SH2D5: variants seen among roughly 807,000 people sequenced by gnomAD.
SH2D5 encodes SH2 domain-containing protein 5.
SH2D5 carries 45 observed loss-of-function variants against 48.2 expected under a neutral mutation model. That is an observed-to-expected ratio of 0.93 (90% CI 0.73 to 1.20). The LOEUF (loss-of-function observed/expected upper bound fraction) is 1.20, where lower values mean the gene tolerates loss of function less well. Among genes scored for constraint, SH2D5 ranks in the 50% most tolerant of loss-of-function variants. SH2D5 has a pLI of 0.00. For missense variants in SH2D5, 538 were observed against 584.1 expected, an observed-to-expected ratio of 0.92 and a Z score of 0.81; for synonymous variants, 230 against 249.8, an observed-to-expected ratio of 0.92 and a Z score of 0.75.
intron 5 of SH2D5, 31 bp from the exon 6 acceptor site, chr1:20,724,666 TGGA>T (rs2054762283): frequency 6.6e-7 from 1 of 1,505,564 alleles, no homozygotes; most frequent in East Asian, 2.4e-5. Flanking sequence ...TGGGCTCAGC[TGGA>T]GGAGGTCTCC....
rs2054920225 is a variant in SH2D5, at chr1:20,732,058, C to T, written c.-43+123G>A. 1.3e-5 allele frequency: 2 copies of T among 152,216 alleles called. No homozygotes were observed. The highest frequency in any genetic ancestry group is 2.4e-5 in the African/African-American group (1 of 41,310). The allele number at this position is 152,216 out of a possible 1,614,324, so 9.4% of individuals were successfully genotyped here. A position where few individuals can be genotyped will look rare whatever the true frequency, so the allele number is the denominator to read the frequency against. Reference sequence around the variant, plus strand: ...GGCCCGCGACCCCCGCGTCTCCCGCCGCCGCAGCCCCGCGCCTGGGTGCCC... The same window carrying T: ...GGCCCGCGACCCCCGCGTCTCCCGCTGCCGCAGCCCCGCGCCTGGGTGCCC... On this transcript the variant is annotated intron_variant, in intron 1 of 9. Transcript: ENST00000444387. This position sits in a 1 kb window ranked among gnomAD's most constrained non-coding sequence, Gnocchi z 5.1.
rs2054874719 is a variant in SH2D5, at chr1:20,729,912, C to A, written c.-42-1826G>T. 6.6e-6 allele frequency among the ~76,000 whole-genome samples: 1 copy of A among 152,244 alleles called. No homozygotes were observed. The highest frequency in any genetic ancestry group is 2.4e-5 in the African/African-American group (1 of 41,462). On this transcript the variant is annotated intron_variant, in intron 1 of 9. Coordinates refer to ENST00000444387, the MANE Select transcript of SH2D5 (RefSeq NM_001103161.2). The surrounding 1 kb of genome is among the most constrained non-coding windows in gnomAD (Gnocchi z 4.2). Reference sequence around the variant, plus strand: ...GCTCCCTCCTATCCTGGCTGCCCTCCTGCTTTTCTGGGCTATTGCACCCGG... The same window carrying A: ...GCTCCCTCCTATCCTGGCTGCCCTCATGCTTTTCTGGGCTATTGCACCCGG...
In SH2D5 at chr1:20,720,700, C is replaced by T. The variant is rs983313527; in HGVS notation, c.*1092G>A. 1 of 152,258 alleles carries T rather than the reference C, an allele frequency of 6.6e-6. No individual in the cohort carries two copies. The highest frequency in any genetic ancestry group is 2.4e-5 in the African/African-American group (1 of 41,476). The allele number at this position is 152,258 out of a possible 1,614,324, so 9.4% of individuals were successfully genotyped here. On this transcript the variant is annotated 3_prime_UTR_variant, in exon 10 of 10. Transcript: ENST00000444387. ...ACACTAGAGTCGTTTCCCTGGGTCTCCCATGGCCCGCTGAGGCCAAGCGCC... is the reference window on the plus strand; with the variant it reads ...ACACTAGAGTCGTTTCCCTGGGTCTTCCATGGCCCGCTGAGGCCAAGCGCC...
Position 20,723,540 on chromosome 1 carries a change from A to AGTGT in SH2D5, c.908+82_908+85dup, listed in dbSNP as rs1478502769. 5.8e-6 allele frequency: 6 copies of AGTGT among 1,031,660 alleles called. No homozygotes were observed. The African/African-American group carries it at 9.5e-5, about 16-fold the overall frequency. The allele number at this position is 1,031,660 out of a possible 1,614,324, so 63.9% of individuals were successfully genotyped here. ...TGGGAGCGCTCTGCCCGTGCACGGG[A>AGTGT]GTGTGTGCCTCAGGGGCCTGGGAAG... On this transcript the variant is annotated intron_variant, in intron 8 of 9. Transcript: ENST00000444387.
rs753764230 is a variant in SH2D5 at position 20,721,791 on chromosome 1, C to G, written c.*1G>C. ...GGCCTGTGGGACCGGGGCCCTACCT[C>G]TTAGCCCAGGCCCTGCAGCTCTGCC... On this transcript the variant is annotated 3_prime_UTR_variant, in exon 10 of 10. Coordinates refer to ENST00000444387, the MANE Select transcript of SH2D5 (RefSeq NM_001103161.2). 6.4e-7 allele frequency: 1 copy of G among 1,555,424 alleles called. No individual in the cohort carries two copies. Among genetic ancestry groups the G allele is most frequent in the Non-Finnish European group, 8.7e-7 (1 of 1,148,044 alleles).
Position 20,726,993 on chromosome 1 carries a change from G to T in SH2D5, c.243+8C>A. ...CCAGTCCTCACCTGCACCCACAGGG[G>T]TTCCTACCTCACCCTCCCCGCTGTA... is the stretch of plus-strand genomic sequence containing the variant. On this transcript the variant is annotated splice_region_variant and intron_variant, in intron 4 of 9. Transcript: ENST00000444387. 1.2e-6 allele frequency: 2 copies of T among 1,608,316 alleles called. No individual in the cohort carries two copies. Among genetic ancestry groups the T allele is most frequent in the Non-Finnish European group, 1.7e-6 (2 of 1,177,232 alleles).
intron 5 of SH2D5, among the ~76,000 whole-genome samples, chr1:20,725,606 G>A (rs1459897338): frequency 1.3e-5 from 2 of 152,210 alleles, no homozygotes; most frequent in African/African-American, 4.8e-5. Context: ...TGAAGAGTGA[G>A]TGGAATGTGC....
Position 20,721,486 on chromosome 1 carries a change from GC to G in SH2D5, c.*305del. On this transcript the variant is annotated 3_prime_UTR_variant, in exon 10 of 10. Transcript: ENST00000444387. Reference sequence around the variant, plus strand: ...CTCCTGCCCCAGGAGTAAAGCAGAAGCCCAGAAGTCCCAAAGCATCCGAAGC... The same window carrying G: ...CTCCTGCCCCAGGAGTAAAGCAGAAGCCAGAAGTCCCAAAGCATCCGAAGC... 1 of 342,886 alleles carries G rather than the reference GC, an allele frequency of 2.9e-6. No individual in the cohort carries two copies. Among genetic ancestry groups the G allele is most frequent in the Non-Finnish European group, 5.3e-6 (1 of 189,988 alleles). 21.2% of individuals were successfully genotyped at this position (342,886 alleles called of 1,614,324 possible).
Position 20,724,193 on chromosome 1 carries a change from CA to C in SH2D5, c.688del (p.Cys230AlafsTer15). On this transcript the variant is annotated frameshift_variant, in exon 7 of 10. Coordinates refer to ENST00000444387, the MANE Select transcript of SH2D5 (RefSeq NM_001103161.2). LOFTEE classifies it high-confidence loss of function. ...ARHARLGNPYCSPTLVRKKAI... is the reference protein window; with the variant it reads ...ARHARLGNPYXSPTLVRKKAI... Reference sequence around the variant, plus strand: ...CTTCTTGCGCACCAGCGTGGGCGAGCAGTAGGGATTCCCCAGGCGGGCATGG... The same window carrying C: ...CTTCTTGCGCACCAGCGTGGGCGAGCGTAGGGATTCCCCAGGCGGGCATGG... The C allele has an allele frequency of 6.2e-7, 1 of 1,612,966 alleles. No individual in the cohort carries two copies. The highest frequency in any genetic ancestry group is 8.5e-7 in the Non-Finnish European group (1 of 1,179,998).
At chr1:20,727,659 A>T in intron 2 of SH2D5, 56 bp from the exon 3 acceptor site, 1 of 1,467,590 alleles carries the variant, frequency 6.8e-7, no homozygotes, top group Non-Finnish European at 9.3e-7. Context: ...GTGGCTCCTA[A>T]CCCCATCCTC....
At chr1:20,723,840 C>T (rs1261378159) in intron 7 of SH2D5, 106 bp from the exon 8 acceptor site, 1 of 1,057,684 alleles carries the variant, frequency 9.5e-7, no homozygotes. Context: ...GCCTCTCTAC[C>T]CTGCTCAGCA....
Position 20,724,257 on chromosome 1 carries a change from GC to G in SH2D5, c.631-7del. 1 of 1,611,726 alleles carries G rather than the reference GC, an allele frequency of 6.2e-7. No homozygotes were observed. Among genetic ancestry groups the G allele is most frequent in the Middle Eastern group, 1.7e-4 (1 of 6,056 alleles). ...TCCGACTCTGGCAGCTCCTTCTAGG[GC>G]ACCAAGAGGGGCCCACAGGCAGGCA... On this transcript the variant is annotated splice_region_variant and splice_polypyrimidine_tract_variant and intron_variant, in intron 6 of 9. Coordinates refer to ENST00000444387, the MANE Select transcript of SH2D5 (RefSeq NM_001103161.2).
At chr1:20,723,592 G>T in intron 8 of SH2D5, 34 bp downstream of exon 8, 2 of 1,548,000 alleles carry the variant, frequency 1.3e-6, no homozygotes, top group South Asian at 1.1e-5. Context: ...CACCCCAAGG[G>T]ACTGGGCGTC....
chr1:20,725,872 C>T (rs1276101567), intron 5 of SH2D5, 48 bp downstream of exon 5: 1 of 1,601,570 alleles, frequency 6.2e-7, no homozygotes. Flanking sequence ...GCCTGGCGCA[C>T]AGCCCCTCCG....
At position 20,729,738 on chromosome 1, in the gene SH2D5, C is replaced by T. The variant is rs1045330443; in HGVS notation, c.-42-1652G>A. ...ACTGACTCTGTTAGCACCAAGAGCC[C>T]GGGAAGGGACCCTGTCTCTGCCTGC... On this transcript the variant is annotated intron_variant, in intron 1 of 9. Transcript: ENST00000444387. This position sits in a 1 kb window ranked among gnomAD's most constrained non-coding sequence, Gnocchi z 4.2. Among the ~76,000 whole-genome samples, 1 of 152,142 alleles carries T rather than the reference C, an allele frequency of 6.6e-6. No individual in the cohort carries two copies.
intron 2 of SH2D5, 21 bp downstream of exon 2, chr1:20,727,936 TG>T: frequency 6.5e-7 from 1 of 1,541,004 alleles, no homozygotes; most frequent in Non-Finnish European, 8.8e-7. Context: ...AGAGCACACC[TG>T]GACAGGGTGG....
chr1:20,722,502 G>C (rs2054706370), intron 9 of SH2D5, among the ~76,000 whole-genome samples: 2 of 152,340 alleles, frequency 1.3e-5, no homozygotes, highest in Non-Finnish European at 1.5e-5. Flanking sequence ...GGTCAGAGCA[G>C]AGCGGAGTCA....
Position 20,724,415 on chromosome 1 carries a change from T to C in SH2D5, c.611A>G (p.Glu204Gly). 1.9e-6 allele frequency: 3 copies of C among 1,612,832 alleles called. No individual in the cohort carries two copies. The highest frequency in any genetic ancestry group is 2.5e-6 in the Non-Finnish European group (3 of 1,179,992). ...ALVSFRRLPA[E>G]GLVGSGKELP... is the part of the protein sequence containing the mutation. The stretch of plus-strand genomic sequence containing the variant: ...GCGTACCCCACTGCCCACCAGCCCC[T>C]CTGCTGGCAGCCGCCGAAAGGAGAC... Residue 204 changes from glutamate (E) to glycine (G), a missense_variant, in exon 6 of 10, where the codon GAG becomes GGG. Coordinates refer to ENST00000444387, the MANE Select transcript of SH2D5 (RefSeq NM_001103161.2).
At chr1:20,722,952 G>A (rs1347686306) in intron 8 of SH2D5, 37 bp from the exon 9 acceptor site, 4 of 1,485,310 alleles carry the variant, frequency 2.7e-6, no homozygotes, top group Non-Finnish European at 2.7e-6. Context: ...AGGCTGGACT[G>A]CTCTCCTGGG....
Sources: gnomAD v4.1 joint callset for allele counts (sites outside exome capture counted in the v4.1 genomes callset) on GRCh38, gnomAD v4.1.1 for gene constraint, Gnocchi (gnomAD v3.1) non-coding constraint, MANE v1.5 for transcripts, NCBI Gene and HGNC (gene_info 2026-07-23, HGNC 2026-07-21) for gene names.